The following ZNF804A variants were observed in gnomAD, a reference collection of about 807,000 sequenced individuals.
ZNF804A encodes the protein zinc finger protein 804A.
ZNF804A carries 2 observed loss-of-function variants against 16.5 expected under a neutral mutation model. The observed-to-expected ratio is 0.12, with a 90% CI of 0.05 to 0.38. The LOEUF is 0.38. Among genes scored for constraint, ZNF804A ranks in the 10% least tolerant of loss-of-function variants. The pLI is 0.99. For missense variants in ZNF804A, 1,473 were observed against 1,390.7 expected (o/e 1.06, Z -0.94); for synonymous variants, 534 against 489.6 (o/e 1.09, Z -1.20).
intron 1 of ZNF804A, among the ~76,000 whole-genome samples, chr2:184,834,186 T>G (rs1297849685): frequency 6.6e-6 from 1 of 152,106 alleles, no homozygotes; most frequent in Admixed American, 6.6e-5. Flanking sequence ...TATTCATAAA[T>G]TCCTATTATA....
chr2:184,613,591 A>G (rs1383502543), intron 1 of ZNF804A, among the ~76,000 whole-genome samples: 1 of 152,182 alleles, frequency 6.6e-6, no homozygotes, highest in Non-Finnish European at 1.5e-5. Context: ...AATAAAAAGA[A>G]AGAGATGGGG....
intron 1 of ZNF804A, among the ~76,000 whole-genome samples, chr2:184,712,824 A>G (rs978174620): frequency 6.6e-6 from 1 of 151,630 alleles, no homozygotes; most frequent in African/African-American, 2.4e-5. Context: ...TTTTCAGTTT[A>G]GTTATACTCA....
chr2:184,895,866 T>A (rs1685056878), intron 2 of ZNF804A, among the ~76,000 whole-genome samples: 1 of 152,222 alleles, frequency 6.6e-6, no homozygotes, highest in Non-Finnish European at 1.5e-5. Flanking sequence ...TTGTTTTTGC[T>A]ATGCATTTTA....
chr2:184,928,315 T>C (rs1430195680), intron 2 of ZNF804A, among the ~76,000 whole-genome samples: 1 of 152,114 alleles, frequency 6.6e-6, no homozygotes, highest in East Asian at 1.9e-4. Flanking sequence ...CAATTCTGAC[T>C]GGTACTCTTT....
intron 1 of ZNF804A, among the ~76,000 whole-genome samples, chr2:184,823,021 T>C (rs1695106044): frequency 6.6e-6 from 1 of 152,152 alleles, no homozygotes; most frequent in African/African-American, 2.4e-5. Flanking sequence ...TTCTTGCTAC[T>C]ATAACAAAAT....
At chr2:184,825,842 T>A (rs1385101901) in intron 1 of ZNF804A, among the ~76,000 whole-genome samples, 1 of 152,004 alleles carries the variant, frequency 6.6e-6, no homozygotes, top group Non-Finnish European at 1.5e-5. Context: ...TATGCATCCA[T>A]GCCTTTTTAT....
intron 2 of ZNF804A, among the ~76,000 whole-genome samples, chr2:184,903,614 C>T (rs1194276671): frequency 6.6e-6 from 1 of 152,134 alleles, no homozygotes; most frequent in African/African-American, 2.4e-5. Context: ...TGTAACATTT[C>T]TGTGCTCCTA....
chr2:184,668,158 A>T (rs1438682424), intron 1 of ZNF804A, among the ~76,000 whole-genome samples: 1 of 151,848 alleles, frequency 6.6e-6, no homozygotes, highest in Non-Finnish European at 1.5e-5. Context: ...TATTTTAAAA[A>T]ATGTTTAATA....
chr2:184,668,372 A>G (rs1052352125), intron 1 of ZNF804A, among the ~76,000 whole-genome samples: 4 of 151,950 alleles, frequency 2.6e-5, no homozygotes, highest in African/African-American at 9.7e-5. Context: ...TTGTGTTCAC[A>G]TTTATAATAA....
At chr2:184,600,321 C>A (rs527948508) in intron 1 of ZNF804A, among the ~76,000 whole-genome samples, 2 of 152,294 alleles carry the variant, frequency 1.3e-5, no homozygotes, top group South Asian at 4.1e-4. Flanking sequence ...TTACTTGAAT[C>A]TCTTGGCTAC....
intron 1 of ZNF804A, among the ~76,000 whole-genome samples, chr2:184,685,024 C>T (rs893122346): frequency 3.9e-5 from 6 of 152,066 alleles, no homozygotes; most frequent in East Asian, 3.9e-4. Context: ...CCTCTCAGCT[C>T]GTGTAACCAG....
intron 1 of ZNF804A, among the ~76,000 whole-genome samples, chr2:184,826,816 T>C (rs368241133): frequency 2.6e-5 from 4 of 152,102 alleles, no homozygotes; most frequent in East Asian, 3.8e-4. Context: ...TATATTTTTA[T>C]ATAGTAACAG....
chr2:184,634,512 G>A (rs1691663949), intron 1 of ZNF804A, among the ~76,000 whole-genome samples: 1 of 151,958 alleles, frequency 6.6e-6, no homozygotes, highest in South Asian at 2.1e-4. Context: ...AGAGTCATGG[G>A]CAGAGAAGGA....
intron 1 of ZNF804A, among the ~76,000 whole-genome samples, chr2:184,679,562 G>A (rs1296006905): frequency 6.6e-6 from 1 of 152,172 alleles, no homozygotes; most frequent in Non-Finnish European, 1.5e-5. Context: ...CACAGGCTTG[G>A]AAGTGCCTGC....
chr2:184,915,347 G>C (rs895135462), intron 2 of ZNF804A, among the ~76,000 whole-genome samples: 2 of 151,980 alleles, frequency 1.3e-5, no homozygotes, highest in Non-Finnish European at 2.9e-5. Flanking sequence ...ATAGCTGCAA[G>C]GTATATCTAT....
chr2:184,742,589 T>G (rs1456315161), intron 1 of ZNF804A, among the ~76,000 whole-genome samples: 3 of 151,916 alleles, frequency 2.0e-5, no homozygotes, highest in African/African-American at 7.2e-5. Context: ...TTTCCTAAGT[T>G]TTCTTCAGAA....
intron 1 of ZNF804A, among the ~76,000 whole-genome samples, chr2:184,853,985 G>T (rs1390970214): frequency 6.6e-6 from 1 of 151,574 alleles, no homozygotes. Context: ...GTTTGAGAAG[G>T]ATTGGTATTA....
chr2:184,881,800 A>G (rs1684813582), intron 2 of ZNF804A, among the ~76,000 whole-genome samples: 1 of 152,094 alleles, frequency 6.6e-6, no homozygotes, highest in South Asian at 2.1e-4. Context: ...GGGAGTGCTA[A>G]ACATACAGGA....
intron 1 of ZNF804A, among the ~76,000 whole-genome samples, chr2:184,799,953 T>A (rs1694699142): frequency 6.6e-6 from 1 of 152,196 alleles, no homozygotes; most frequent in South Asian, 2.1e-4. Context: ...TGATGCTTTT[T>A]TTATGTGAAA....
Sources: gnomAD v4.1 joint callset for allele counts (sites outside exome capture counted in the v4.1 genomes callset) on GRCh38, gnomAD v4.1.1 for gene constraint, MANE v1.5 for transcripts, NCBI Gene and HGNC (gene_info 2026-07-23, HGNC 2026-07-21) for gene names.